The following RUSC2 variants were observed in gnomAD, a reference collection of about 807,000 sequenced individuals.
The protein encoded by RUSC2 is AP-4 complex accessory subunit RUSC2.
A neutral mutation model predicts 122.2 loss-of-function variants in RUSC2; 34 were observed. That is an observed-to-expected ratio of 0.28 (90% CI 0.21 to 0.37). The LOEUF (loss-of-function observed/expected upper bound fraction) is 0.37. Among genes scored for constraint, RUSC2 ranks in the 10% least tolerant of loss-of-function variants. The pLI is 1.00. For synonymous variants in RUSC2, 784 were observed against 790.0 expected (o/e 0.99, Z 0.13); for missense variants, 1,747 against 1,952.4 (o/e 0.89, Z 1.98).
At chr9:35,501,861 C>G (rs1352295473) in intron 1 of RUSC2, among the ~76,000 whole-genome samples, 3 of 152,066 alleles carry the variant, frequency 2.0e-5, no homozygotes, top group Non-Finnish European at 2.9e-5. Flanking sequence ...AGGACCTATG[C>G]TAGTTTTTTT....
Position 35,559,261 on chromosome 9 carries a change from A to G in RUSC2, c.3377A>G (p.Tyr1126Cys), listed in dbSNP as rs200770667. The change falls in exon 9 of 12, where the codon TAT becomes TGT. Residue 1126 changes from tyrosine (Y) to cysteine (C), a missense_variant. Tyr to Cys is a radical substitution (Grantham distance 194). Coordinates refer to ENST00000361226, the MANE Select transcript of RUSC2 (RefSeq NM_014806.5). ...RSLEFWFNHL[Y>C]NHEDIIQTHY... ...CTGGAGTTCTGGTTTAATCACCTCT[A>G]TAACCACGAAGGTAATGCCTAGAAC... is the stretch of plus-strand genomic sequence containing the variant. 7 of 1,613,206 alleles carry G rather than the reference A, an allele frequency of 4.3e-6. No homozygotes were observed. The highest frequency in any genetic ancestry group is 5.9e-6 in the Non-Finnish European group (7 of 1,179,272).
intron 1 of RUSC2, among the ~76,000 whole-genome samples, chr9:35,493,464 T>C (rs1820608814): frequency 6.6e-6 from 1 of 152,160 alleles, no homozygotes; most frequent in African/African-American, 2.4e-5. Flanking sequence ...CTAAAGTTCA[T>C]CCACTTTATA....
chr9:35,534,765 G>A (rs1349670160), intron 1 of RUSC2, among the ~76,000 whole-genome samples: 1 of 152,138 alleles, frequency 6.6e-6, no homozygotes, highest in Non-Finnish European at 1.5e-5. Context: ...TTACAGGTGT[G>A]AGCCACCATG....
chr9:35,503,937 G>A (rs1459606505), intron 1 of RUSC2, among the ~76,000 whole-genome samples: 5 of 152,068 alleles, frequency 3.3e-5, no homozygotes, highest in African/African-American at 1.2e-4. Flanking sequence ...ACTATGCCCA[G>A]CTAATTTTTG....
intron 2 of RUSC2, among the ~76,000 whole-genome samples, chr9:35,550,859 T>C (rs1821877332): frequency 6.6e-6 from 1 of 151,772 alleles, no homozygotes; most frequent in Admixed American, 6.6e-5. Flanking sequence ...GCGGGTCACC[T>C]GAGGTCAGGA....
Position 35,560,686 on chromosome 9 carries a change from C to A in RUSC2, c.4046C>A (p.Pro1349His). Reference protein sequence around the residue: ...RGWPFWMGSPPDSVLAELRRS... With the variant: ...RGWPFWMGSPHDSVLAELRRS... ...TGGCCCTTCTGGATGGGGAGCCCCC[C>A]TGACTCTGTGCTGGCCGAGCTGAGG... The change falls in exon 10 of 12, where the codon CCT (proline) becomes CAT (histidine). Residue 1349 changes from proline (P) to histidine (H), a missense_variant. Coordinates refer to ENST00000361226, the MANE Select transcript of RUSC2 (RefSeq NM_014806.5). 10 of 1,571,994 alleles carry A rather than the reference C, an allele frequency of 6.4e-6. No homozygotes were observed. The highest frequency in any genetic ancestry group is 8.6e-6 in the Non-Finnish European group (10 of 1,157,740).
intron 1 of RUSC2, among the ~76,000 whole-genome samples, chr9:35,531,143 C>T (rs1353564362): frequency 6.6e-6 from 1 of 152,058 alleles, no homozygotes; most frequent in African/African-American, 2.4e-5. Context: ...TACCTGTAGT[C>T]CCAGCTACTC....
chr9:35,555,590 C>T lies in RUSC2; in HGVS notation c.2545C>T (p.His849Tyr), dbSNP rs1453529747. Residue 849 changes from histidine to tyrosine, a missense_variant, in exon 3 of 12, where the codon CAT becomes TAT. Physicochemically the swap from His to Tyr is moderately conservative, Grantham distance 83. Transcript: ENST00000361226. This position sits in a 1 kb window ranked among gnomAD's most constrained non-coding sequence, Gnocchi z 4.6. Reference protein sequence around the residue: ...KILTLTEYRLHGTGSLPPLGS... With the variant: ...KILTLTEYRLYGTGSLPPLGS... ...ACTGACCTTGACTGAGTACCGGCTC[C>T]ATGGAACAGGAAGCTTGCCGCCTCT... 6.2e-7 allele frequency: 1 copy of T among 1,613,814 alleles called. No individual in the cohort carries two copies. The highest frequency in any genetic ancestry group is 8.5e-7 in the Non-Finnish European group (1 of 1,180,036).
Position 35,555,604 on chromosome 9 carries a change from C to CT in RUSC2, c.2561dup (p.Leu854PhefsTer23). On this transcript the variant is annotated frameshift_variant, in exon 3 of 12. Coordinates refer to ENST00000361226, the MANE Select transcript of RUSC2 (RefSeq NM_014806.5). LOFTEE classifies it high-confidence loss of function. This position sits in a 1 kb window ranked among gnomAD's most constrained non-coding sequence, Gnocchi z 4.6. ...AGTACCGGCTCCATGGAACAGGAAG[C>CT]TTGCCGCCTCTGGGCTCCTGGCGAT... 6.2e-7 allele frequency: 1 copy of CT among 1,613,490 alleles called. No homozygotes were observed. Among genetic ancestry groups the CT allele is most frequent in the Non-Finnish European group, 8.5e-7 (1 of 1,180,020 alleles).
At chr9:35,492,892 A>C (rs913706530) in intron 1 of RUSC2, among the ~76,000 whole-genome samples, 1 of 152,068 alleles carries the variant, frequency 6.6e-6, no homozygotes, top group Non-Finnish European at 1.5e-5. Context: ...GAATTTGACT[A>C]CTGGGGGTAC....
chr9:35,508,040 C>T (rs554467655), intron 1 of RUSC2, among the ~76,000 whole-genome samples: 6 of 152,218 alleles, frequency 3.9e-5, no homozygotes, highest in Admixed American at 2.6e-4. Flanking sequence ...AATGTTTCAT[C>T]CCTTCATTAC....
rs746360364 is a variant in RUSC2, at chr9:35,555,627, G to T, written c.2582G>T (p.Arg861Leu). 8.1e-6 allele frequency: 13 copies of T among 1,612,304 alleles called. No homozygotes were observed. The highest frequency in any genetic ancestry group is 1.0e-5 in the Non-Finnish European group (12 of 1,180,000). Residue 861 changes from arginine (R) to leucine (L), a missense_variant, in exon 3 of 12, where the codon CGA becomes CTA. Transcript: ENST00000361226. The surrounding 1 kb of genome is among the most constrained non-coding windows in gnomAD (Gnocchi z 4.6). Reference sequence around the variant, plus strand: ...AGCTTGCCGCCTCTGGGCTCCTGGCGATCTGGCCTCAGCCGAGCAGAGAGC... The same window carrying T: ...AGCTTGCCGCCTCTGGGCTCCTGGCTATCTGGCCTCAGCCGAGCAGAGAGC... ...TGSLPPLGSWRSGLSRAESLA... is the reference protein window; with the variant it reads ...TGSLPPLGSWLSGLSRAESLA...
Position 35,546,510 on chromosome 9 carries a change from G to C in RUSC2, c.-12G>C. ...TCTGGTGCTGTTGAAGCCCTTATTCGAACTTTCCAGAATGGATAGTCCCCC... is the reference window on the plus strand; with the variant it reads ...TCTGGTGCTGTTGAAGCCCTTATTCCAACTTTCCAGAATGGATAGTCCCCC... On this transcript the variant is annotated 5_prime_UTR_variant, in exon 2 of 12. Coordinates refer to ENST00000361226, the MANE Select transcript of RUSC2 (RefSeq NM_014806.5). This position sits in a 1 kb window ranked among gnomAD's most constrained non-coding sequence, Gnocchi z 4.3. 1.4e-6 allele frequency: 2 copies of C among 1,404,108 alleles called. No homozygotes were observed. The highest frequency in any genetic ancestry group is 2.0e-5 in the South Asian group (1 of 50,888). 87.0% of individuals were successfully genotyped at this position (1,404,108 alleles called of 1,614,324 possible).
At chr9:35,524,806 C>A (rs928864974) in intron 1 of RUSC2, among the ~76,000 whole-genome samples, 2 of 151,958 alleles carry the variant, frequency 1.3e-5, no homozygotes, top group African/African-American at 4.8e-5. Flanking sequence ...CCCGTCTCTA[C>A]TAAAAATACA....
At chr9:35,492,812 C>A (rs1198734087) in intron 1 of RUSC2, among the ~76,000 whole-genome samples, 1 of 151,934 alleles carries the variant, frequency 6.6e-6, no homozygotes, top group African/African-American at 2.4e-5. Flanking sequence ...AAACTCTGTA[C>A]CAGTAAGATG....
rs772690235 is a variant in RUSC2, at chr9:35,561,256, A to C, written c.4425A>C (p.Arg1475=). The C allele has an allele frequency of 4.8e-5, 78 of 1,614,042 alleles. No homozygotes were observed. The East Asian group carries it at 1.7e-3, about 35-fold the overall frequency. The change falls in exon 12 of 12, where the codon CGA becomes CGC. Residue 1475 remains arginine, a synonymous_variant. Transcript: ENST00000361226. The part of the protein sequence containing the change: ...QLSFHKGDIL[R]VLGRAGGDWL... ...GCTTCCACAAAGGAGACATCCTACG[A>C]GTGCTGGGGCGAGCTGGAGGAGACT...
intron 2 of RUSC2, among the ~76,000 whole-genome samples, chr9:35,552,770 C>T (rs1173299297): frequency 9.9e-5 from 15 of 152,256 alleles, no homozygotes; most frequent in South Asian, 2.1e-4. Context: ...CGGGTGAATA[C>T]GGTCTCTGTC....
chr9:35,542,679 T>G (rs571347614), intron 1 of RUSC2, among the ~76,000 whole-genome samples: 1 of 152,196 alleles, frequency 6.6e-6, no homozygotes. Flanking sequence ...TTCACTGTAT[T>G]GCAGTCTCCA....
At chr9:35,503,590 A>T (rs1248030807) in intron 1 of RUSC2, among the ~76,000 whole-genome samples, 1 of 152,078 alleles carries the variant, frequency 6.6e-6, no homozygotes, top group African/African-American at 2.4e-5. Flanking sequence ...TTTTTCATAT[A>T]GTGACTTCTT....
Sources: gnomAD v4.1 joint callset for allele counts (sites outside exome capture counted in the v4.1 genomes callset) on GRCh38, gnomAD v4.1.1 for gene constraint, Gnocchi (gnomAD v3.1) non-coding constraint, MANE v1.5 for transcripts, NCBI Gene and HGNC (gene_info 2026-07-23, HGNC 2026-07-21) for gene names.